The following KHDRBS1 variants were observed in gnomAD, a reference collection of about 807,000 sequenced individuals.
KHDRBS1 encodes KH RNA binding domain containing, signal transduction associated 1.
Under a neutral mutation model 48.4 loss-of-function variants are expected in KHDRBS1, and 7 were observed. The observed-to-expected ratio is 0.14, with a 90% CI of 0.08 to 0.27. The LOEUF is 0.27. Among genes scored for constraint, KHDRBS1 ranks in the 10% least tolerant of loss-of-function variants. KHDRBS1 has a pLI of 1.00. For missense variants in KHDRBS1, 458 were observed against 601.2 expected (o/e 0.76, Z 2.49); for synonymous variants, 241 against 235.8 (o/e 1.02, Z -0.20).
rs994513195 is a variant in KHDRBS1 at position 32,030,508 on chromosome 1, T to TTTATTATA, written c.507+86_507+87insTTATTATA. The TTTATTATA allele has an allele frequency of 3.4e-6, 4 of 1,173,004 alleles. No individual in the cohort carries two copies. The African/African-American group carries it at 6.3e-5, about 19-fold the overall frequency. The allele number at this position is 1,173,004 out of a possible 1,614,324, so 72.7% of individuals were successfully genotyped here. A position where few individuals can be genotyped will look rare whatever the true frequency, so the allele number is the denominator to read the frequency against. On this transcript the variant is annotated intron_variant, in intron 2 of 8. Coordinates refer to ENST00000327300, the MANE Select transcript of KHDRBS1 (RefSeq NM_006559.3). ...CTATAATAAAGACTCCTGGGGATTG[T>TTTATTATA]GATGCTTTAGAAACTTAAGCCTGTG...
rs1166252251 is a variant in KHDRBS1, at chr1:32,036,994, G to T, written c.856G>T (p.Val286Leu). 1.2e-6 allele frequency: 2 copies of T among 1,613,990 alleles called. No individual in the cohort carries two copies. The highest frequency in any genetic ancestry group is 1.7e-6 in the Non-Finnish European group (2 of 1,180,000). Residue 286 changes from valine to leucine, a missense_variant, in exon 5 of 9, where the codon GTG (valine) becomes TTG (leucine). Coordinates refer to ENST00000327300, the MANE Select transcript of KHDRBS1 (RefSeq NM_006559.3). ...ACCTGAACCCTCTCGTGGACGTGGG[G>T]TGCCAGTGAGAGGCCGGGGAGCTGC... Reference protein sequence around the residue: ...GVPEPSRGRGVPVRGRGAAPP... With the variant: ...GVPEPSRGRGLPVRGRGAAPP...
chr1:32,060,512 A>G (rs1481042144), exon 11 of KHDRBS1: 1 of 151,816 alleles, frequency 6.6e-6, no homozygotes, highest in Non-Finnish European at 1.5e-5. Flanking sequence ...TTAGCCTCCC[A>G]TAGAATTGGC....
At chr1:32,017,600 CTTTT>C (rs34505125) in intron 1 of KHDRBS1, among the ~76,000 whole-genome samples, 2 of 73,820 alleles carry the variant, frequency 2.7e-5, no homozygotes, top group African/African-American at 5.3e-5. Flanking sequence ...TCTTTTTCTA[CTTTT>C]TTTTTTTTTT....
In KHDRBS1 at chr1:32,033,354, G is replaced by A. The variant is rs1639117077; in HGVS notation, c.771+20G>A. On this transcript the variant is annotated intron_variant, in intron 4 of 8. Coordinates refer to ENST00000327300, the MANE Select transcript of KHDRBS1 (RefSeq NM_006559.3). ...GTACCGGTAAGGAAATCCATATCCTGTGTCTTCTGAGCAAAAGAGAACTGG... is the reference window on the plus strand; with the variant it reads ...GTACCGGTAAGGAAATCCATATCCTATGTCTTCTGAGCAAAAGAGAACTGG... 1 of 1,612,286 alleles carries A rather than the reference G, an allele frequency of 6.2e-7. No homozygotes were observed.
rs143416252 is a variant in KHDRBS1 at position 32,050,548 on chromosome 1, T to C, written n.1301+5158T>C. 5.5e-3 allele frequency among the ~76,000 whole-genome samples: 833 copies of C among 152,276 alleles called. 9 individuals carry two copies. Among genetic ancestry groups the C allele is most frequent in the African/African-American group, 0.019 (801 of 41,558 alleles). ...GTTTTTTGGAGACAGAGTCTGACTC[T>C]GTCCCCCAGGCTGGAGTGCAGTGGT... On this transcript the variant is annotated intron_variant and non_coding_transcript_variant, in intron 10 of 10. Transcript: ENST00000484270.
intron 8 of KHDRBS1, among the ~76,000 whole-genome samples, chr1:32,040,023 T>TA (rs1639253219): frequency 6.6e-6 from 1 of 151,972 alleles, no homozygotes; most frequent in Non-Finnish European, 1.5e-5. Context: ...AAAAAAAATT[T>TA]AGATCTCATT....
chr1:32,014,006 G>C lies in KHDRBS1; in HGVS notation c.11G>C (p.Arg4Pro). The change falls in exon 1 of 9, where the codon CGG (arginine) becomes CCG (proline). Residue 4 changes from arginine to proline, a missense_variant. This residue lies in a region of KHDRBS1 where 213 missense variants were observed against 215.6 expected (regional missense o/e 0.99). Coordinates refer to ENST00000327300, the MANE Select transcript of KHDRBS1 (RefSeq NM_006559.3). ...CGCACATCCTCCCAGATGCAGCGCC[G>C]GGACGACCCCGCCGCGCGCATGAGC... The part of the protein sequence containing the change: MQR[R>P]DDPAARMSRS... 2 of 1,522,998 alleles carry C rather than the reference G, an allele frequency of 1.3e-6. No homozygotes were observed. The highest frequency in any genetic ancestry group is 1.7e-6 in the Non-Finnish European group (2 of 1,146,788). 94.3% of individuals were successfully genotyped at this position (1,522,998 alleles called of 1,614,324 possible). A position where few individuals can be genotyped will look rare whatever the true frequency, so the allele number is the denominator to read the frequency against.
chr1:32,020,330 G>C (rs1638833327), intron 1 of KHDRBS1, among the ~76,000 whole-genome samples: 1 of 152,004 alleles, frequency 6.6e-6, no homozygotes, highest in Non-Finnish European at 1.5e-5. Context: ...TTAGGCTGAG[G>C]TGGAAGAATC....
rs6667294 is a variant in KHDRBS1, at chr1:32,013,951, G to C, written c.-45G>C. 1.6e-3 allele frequency: 2,293 copies of C among 1,399,434 alleles called. 40 individuals are homozygous for C. The African/African-American group carries it at 0.03, about 18-fold the overall frequency. The allele number at this position is 1,399,434 out of a possible 1,614,324, so 86.7% of individuals were successfully genotyped here. A position where few individuals can be genotyped will look rare whatever the true frequency, so the allele number is the denominator to read the frequency against. Reference sequence around the variant, plus strand: ...GCCAACCGCCGCTCGGGCCTCCGTCGCTGCCGCGTCGCTTTCTCGCTCCTT... The same window carrying C: ...GCCAACCGCCGCTCGGGCCTCCGTCCCTGCCGCGTCGCTTTCTCGCTCCTT... On this transcript the variant is annotated 5_prime_UTR_variant, in exon 1 of 9. Coordinates refer to ENST00000327300, the MANE Select transcript of KHDRBS1 (RefSeq NM_006559.3).
intron 1 of KHDRBS1, among the ~76,000 whole-genome samples, chr1:32,022,568 A>G (rs887375008): frequency 2.0e-5 from 3 of 151,744 alleles, no homozygotes; most frequent in South Asian, 2.1e-4. Context: ...AATCTTGACC[A>G]TTGTCTTGTT....
chr1:32,025,292 C>CTTTTT lies in KHDRBS1; in HGVS notation c.383-4984_383-4980dup, dbSNP rs576339772. Among the ~76,000 whole-genome samples, 139 of 92,086 alleles carry CTTTTT rather than the reference C, an allele frequency of 1.5e-3. 10 individuals carry two copies. The highest frequency in any genetic ancestry group is 7.1e-3 in the African/African-American group (132 of 18,644). 60.4% of individuals were successfully genotyped at this position (92,086 alleles called of 152,430 possible). A position where few individuals can be genotyped will look rare whatever the true frequency, so the allele number is the denominator to read the frequency against. On this transcript the variant is annotated intron_variant, in intron 1 of 8. Transcript: ENST00000327300. ...AAAAAAAAAAAAAATTCGGCTCCTC[C>CTTTTT]TTTTTTTTTTTTTTTTTTTTTTTTT...
rs1638677532 is a variant in KHDRBS1 at position 32,013,931 on chromosome 1, C to T, written c.-65C>T. The T allele has an allele frequency of 1.5e-6, 2 of 1,344,956 alleles. No individual in the cohort carries two copies. Among genetic ancestry groups the T allele is most frequent in the South Asian group, 3.5e-5 (2 of 57,350 alleles). The allele number at this position is 1,344,956 out of a possible 1,614,324, so 83.3% of individuals were successfully genotyped here. ...GCTCCCGCTCTGCCACCCCCGCCAA[C>T]CGCCGCTCGGGCCTCCGTCGCTGCC... On this transcript the variant is annotated 5_prime_UTR_variant, in exon 1 of 9. Coordinates refer to ENST00000327300, the MANE Select transcript of KHDRBS1 (RefSeq NM_006559.3).
At chr1:32,028,967 A>T (rs1484226843) in intron 1 of KHDRBS1, among the ~76,000 whole-genome samples, 1 of 152,146 alleles carries the variant, frequency 6.6e-6, no homozygotes, top group Admixed American at 6.5e-5. Flanking sequence ...CAGTGAAGAC[A>T]AGAGACCAGT....
chr1:32,037,937 A>G lies in KHDRBS1; in HGVS notation c.1008A>G (p.Pro336=), dbSNP rs1271832931. ...GATVTRGVPP[P]PTVRGAPAPR... ...CTGTGACTCGAGGCGTGCCACCCCC[A>G]CCTACTGTGAGGGGTGCTCCAGCAC... The change falls in exon 6 of 9, where the codon CCA becomes CCG. Residue 336 remains proline, a synonymous_variant. Coordinates refer to ENST00000327300, the MANE Select transcript of KHDRBS1 (RefSeq NM_006559.3). 6.2e-7 allele frequency: 1 copy of G among 1,614,056 alleles called. No homozygotes were observed. The highest frequency in any genetic ancestry group is 1.3e-5 in the African/African-American group (1 of 74,928).
At chr1:32,032,879 G>A (rs971598644) in intron 3 of KHDRBS1, among the ~76,000 whole-genome samples, 4 of 152,104 alleles carry the variant, frequency 2.6e-5, no homozygotes, top group African/African-American at 4.8e-5. Flanking sequence ...TAGTAGAGAC[G>A]GGGCTTCATC....
intron 1 of KHDRBS1, among the ~76,000 whole-genome samples, chr1:32,019,769 T>G (rs904393099): frequency 6.6e-5 from 10 of 152,002 alleles, no homozygotes; most frequent in African/African-American, 2.2e-4. Flanking sequence ...GGTTTTGTTT[T>G]TTTGTTTGTT....
intron 3 of KHDRBS1, among the ~76,000 whole-genome samples, chr1:32,032,424 C>T (rs1471165229): frequency 1.3e-5 from 2 of 152,072 alleles, no homozygotes; most frequent in Non-Finnish European, 2.9e-5. Flanking sequence ...GCTTTTCTTC[C>T]CTCTGTCCTG....
chr1:32,034,831 A>G (rs1290540954), intron 4 of KHDRBS1, among the ~76,000 whole-genome samples: 1 of 151,686 alleles, frequency 6.6e-6, no homozygotes, highest in African/African-American at 2.4e-5. Context: ...CAAAAAAAAA[A>G]TTAGCTGGGC....
chr1:32,039,376 T>C, intron 7 of KHDRBS1, 139 bp from the exon 8 acceptor site: 2 of 644,970 alleles, frequency 3.1e-6, no homozygotes, highest in South Asian at 3.7e-5. Context: ...GGAAATACTT[T>C]ACGGTTTAGG....
Sources: allele counts gnomAD v4.1 joint callset (sites outside exome capture counted in the v4.1 genomes callset), GRCh38; gene constraint gnomAD v4.1.1; regional missense constraint gnomAD v4.1.1; transcripts MANE v1.5; gene names NCBI Gene and HGNC (gene_info 2026-07-23, HGNC 2026-07-21).